ABHD2: variants seen among roughly 807,000 people sequenced by gnomAD.
The protein encoded by ABHD2 is abhydrolase domain containing 2, acylglycerol lipase.
Under a neutral mutation model 48.1 loss-of-function variants are expected in ABHD2, and 20 were observed. The ratio of observed to expected loss-of-function variants is 0.42; its 90% CI spans 0.29 to 0.60. The LOEUF (loss-of-function observed/expected upper bound fraction) is 0.60, where lower values mean the gene tolerates loss of function less well. ABHD2 is among the 20% of genes least tolerant of loss of function. The probability of loss-of-function intolerance (pLI) is 0.24; values close to 1 mark genes in which losing one functional copy is unlikely to be tolerated. For missense variants in ABHD2, 405 were observed against 550.9 expected, an observed-to-expected ratio of 0.74 and a Z score of 2.65; for synonymous variants, 209 against 214.2, an observed-to-expected ratio of 0.98 and a Z score of 0.21.
the ABHD2 span, among the ~76,000 whole-genome samples, chr15:89,077,440 G>A: frequency 6.6e-6 from 1 of 152,158 alleles, no homozygotes; most frequent in African/African-American, 2.4e-5. Flanking sequence ...TGGTGCTATT[G>A]TGAATGTTAT....
the ABHD2 span, chr15:89,070,234 CAT>C: frequency 6.6e-6 from 1 of 152,182 alleles, no homozygotes; most frequent in Non-Finnish European, 1.5e-5. Flanking sequence ...TCAGAAGTGA[CAT>C]GTGTTCATTC....
chr15:89,127,692 AAT>A (rs773255117), intron 3 of ABHD2, among the ~76,000 whole-genome samples: 1 of 121,726 alleles, frequency 8.2e-6, no homozygotes. Flanking sequence ...CTTCTCAGTG[AAT>A]ATATATATAT....
rs563300542 is a variant in ABHD2, at chr15:89,172,134, AT to A, written c.539-3673del. The stretch of plus-strand genomic sequence containing the variant: ...ATCAGCTACACTCTTGTTTAAATAT[AT>A]TTTTAATTGTGATAAAATGTACATA... On this transcript the variant is annotated intron_variant, in intron 5 of 10. Transcript: ENST00000352732. 2.6e-3 allele frequency among the ~76,000 whole-genome samples: 389 copies of A among 152,290 alleles called. 3 individuals carry two copies. The highest frequency in any genetic ancestry group is 8.9e-3 in the African/African-American group (370 of 41,568).
chr15:89,201,301 C>T lies in ABHD2; in HGVS notation c.*5878C>T, dbSNP rs2051463139. 3.5e-6 allele frequency: 4 copies of T among 1,142,686 alleles called. No homozygotes were observed. The South Asian group carries it at 3.9e-5, about 11-fold the overall frequency. The allele number at this position is 1,142,686 out of a possible 1,614,324, so 70.8% of individuals were successfully genotyped here. On this transcript the variant is annotated 3_prime_UTR_variant, in exon 11 of 11. Coordinates refer to ENST00000352732, the MANE Select transcript of ABHD2 (RefSeq NM_152924.5). The stretch of plus-strand genomic sequence containing the variant: ...GTCTTTTACACTCTTCTGTTAGTTT[C>T]CTTGTTTCAGTATCATGAAGTGAAG...
chr15:89,160,357 C>A (rs1191289799), intron 5 of ABHD2, among the ~76,000 whole-genome samples: 3 of 152,104 alleles, frequency 2.0e-5, no homozygotes, highest in African/African-American at 4.8e-5. Flanking sequence ...GTACAAAGAT[C>A]TTTGTCAACT....
rs2050333886 is a variant in ABHD2, at chr15:89,137,484, C to G, written c.195-14193C>G. Among the ~76,000 whole-genome samples, 1 of 152,210 alleles carries G rather than the reference C, an allele frequency of 6.6e-6. No individual in the cohort carries two copies. The highest frequency in any genetic ancestry group is 1.5e-5 in the Non-Finnish European group (1 of 68,034). Reference sequence around the variant, plus strand: ...TATTTTATAGTTTGCACGATATGCACAAAGGTCACAGATGTACCAGCCTGG... The same window carrying G: ...TATTTTATAGTTTGCACGATATGCAGAAAGGTCACAGATGTACCAGCCTGG... On this transcript the variant is annotated intron_variant, in intron 3 of 10. Transcript: ENST00000352732. The surrounding 1 kb of genome is among the most constrained non-coding windows in gnomAD (Gnocchi z 4.8).
chr15:89,087,498 A>C (rs1488671520), upstream of ABHD2: 1 of 152,278 alleles, frequency 6.6e-6, no homozygotes, highest in East Asian at 1.9e-4. This position sits in a 1 kb window ranked among gnomAD's most constrained non-coding sequence, Gnocchi z 5.5. Flanking sequence ...AAATGGGCCT[A>C]GTTTCCCAGC....
Position 89,199,711 on chromosome 15 carries a change from C to T in ABHD2, c.*4288C>T, listed in dbSNP as rs1331113618. ...GCCACTTTGGATTGCTTGGATGCTT[C>T]GAACAGCCATGAAAAGTAGCCTGCC... On this transcript the variant is annotated 3_prime_UTR_variant, in exon 11 of 11. Coordinates refer to ENST00000352732, the MANE Select transcript of ABHD2 (RefSeq NM_152924.5). The surrounding 1 kb of genome is among the most constrained non-coding windows in gnomAD (Gnocchi z 4.1). 3 of 152,258 alleles carry T rather than the reference C, an allele frequency of 2.0e-5. No individual in the cohort carries two copies. Among genetic ancestry groups the T allele is most frequent in the African/African-American group, 7.3e-5 (3 of 41,306 alleles). The allele number at this position is 152,258 out of a possible 1,614,324, so 9.4% of individuals were successfully genotyped here. A position where few individuals can be genotyped will look rare whatever the true frequency, so the allele number is the denominator to read the frequency against.
chr15:89,119,796 A>G (rs1398582251), intron 3 of ABHD2, among the ~76,000 whole-genome samples: 1 of 152,142 alleles, frequency 6.6e-6, no homozygotes, highest in Admixed American at 6.5e-5. Flanking sequence ...TGTCCCCCAT[A>G]GTCTTTTTCT....
chr15:89,089,589 C>A (rs922743294), intron 1 of ABHD2, among the ~76,000 whole-genome samples: 1 of 152,162 alleles, frequency 6.6e-6, no homozygotes, highest in African/African-American at 2.4e-5. Context: ...TAACCAAATC[C>A]AAAGGCATGT....
In ABHD2 at chr15:89,177,255, G is replaced by A. The variant is rs1167175855; in HGVS notation, c.722+1260G>A. Among the ~76,000 whole-genome samples the A allele has an allele frequency of 6.6e-6, 1 of 152,166 alleles. No homozygotes were observed. The highest frequency in any genetic ancestry group is 2.4e-5 in the African/African-American group (1 of 41,424). On this transcript the variant is annotated intron_variant, in intron 6 of 10. Coordinates refer to ENST00000352732, the MANE Select transcript of ABHD2 (RefSeq NM_152924.5). The surrounding 1 kb of genome is among the most constrained non-coding windows in gnomAD (Gnocchi z 5.6). ...TCAAATGAGTTGATGCGTGTGAAGTGCTTAGAACAGTGCCCAGCACGCAGA... is the reference window on the plus strand; with the variant it reads ...TCAAATGAGTTGATGCGTGTGAAGTACTTAGAACAGTGCCCAGCACGCAGA...
the ABHD2 span, among the ~76,000 whole-genome samples, chr15:89,051,060 C>T: frequency 6.6e-6 from 1 of 152,176 alleles, no homozygotes; most frequent in South Asian, 2.1e-4. Flanking sequence ...TGGCGAAACC[C>T]CATCTCTACT....
At chr15:89,075,994 G>A in the ABHD2 span, among the ~76,000 whole-genome samples, 1 of 152,214 alleles carries the variant, frequency 6.6e-6, no homozygotes, top group Admixed American at 6.5e-5. This position sits in a 1 kb window ranked among gnomAD's most constrained non-coding sequence, Gnocchi z 4.1. Context: ...CTGTTCCAGT[G>A]GAGGAGTAGA....
chr15:89,044,143 A>C, the ABHD2 span, among the ~76,000 whole-genome samples: 1 of 152,132 alleles, frequency 6.6e-6, no homozygotes, highest in Non-Finnish European at 1.5e-5. Context: ...TATGAGTGAG[A>C]ATATGCAGAG....
chr15:89,062,822 C>T, the ABHD2 span, among the ~76,000 whole-genome samples: 11 of 152,246 alleles, frequency 7.2e-5, no homozygotes, highest in East Asian at 1.2e-3. Context: ...AAAGAAGAGA[C>T]GCTAAAGCCG....
the ABHD2 span, among the ~76,000 whole-genome samples, chr15:89,056,025 A>G: frequency 1.3e-5 from 2 of 151,850 alleles, no homozygotes; most frequent in African/African-American, 4.8e-5. Context: ...TAATTTTTAA[A>G]AATATTTTGT....
rs1224113415 is a variant in ABHD2 at position 89,092,901 on chromosome 15, G to A, written c.-107+4338G>A. Among the ~76,000 whole-genome samples, 1 of 152,198 alleles carries A rather than the reference G, an allele frequency of 6.6e-6. No individual in the cohort carries two copies. Among genetic ancestry groups the A allele is most frequent in the Non-Finnish European group, 1.5e-5 (1 of 68,044 alleles). On this transcript the variant is annotated intron_variant, in intron 1 of 10. Transcript: ENST00000352732. The surrounding 1 kb of genome is among the most constrained non-coding windows in gnomAD (Gnocchi z 4.4). ...TCTTATTTAGGCAGCAGCTTTGCTG[G>A]AGATCTTAAAGATCTTGTGAATATT...
In ABHD2 at chr15:89,173,774, G is replaced by T. The variant is rs2150924928; in HGVS notation, c.539-2038G>T. Among the ~76,000 whole-genome samples the T allele has an allele frequency of 6.6e-6, 1 of 152,282 alleles. No individual in the cohort carries two copies. Among genetic ancestry groups the T allele is most frequent in the African/African-American group, 2.4e-5 (1 of 41,552 alleles). On this transcript the variant is annotated intron_variant, in intron 5 of 10. Transcript: ENST00000352732. The surrounding 1 kb of genome is among the most constrained non-coding windows in gnomAD (Gnocchi z 6.5). Reference sequence around the variant, plus strand: ...ACTCTTTATTGAAGGCCTGCAAACTGCCCCAGCCTCTGCTGAGTGTAAGAG... The same window carrying T: ...ACTCTTTATTGAAGGCCTGCAAACTTCCCCAGCCTCTGCTGAGTGTAAGAG...
intron 3 of ABHD2, among the ~76,000 whole-genome samples, chr15:89,140,027 C>T (rs898587161): frequency 3.3e-5 from 5 of 152,202 alleles, no homozygotes; most frequent in Admixed American, 3.3e-4. Flanking sequence ...GATGATGTAA[C>T]ACCTCTGCGT....
Sources: gnomAD v4.1 joint callset for allele counts (sites outside exome capture counted in the v4.1 genomes callset) on GRCh38, gnomAD v4.1.1 for gene constraint, Gnocchi (gnomAD v3.1) non-coding constraint, MANE v1.5 for transcripts, NCBI Gene and HGNC (gene_info 2026-07-23, HGNC 2026-07-21) for gene names.